Variants in TANGO6 observed in about 807,000 individuals in gnomAD.
TANGO6 encodes the protein transport and Golgi organization protein 6 homolog.
A neutral mutation model predicts 114.2 loss-of-function variants in TANGO6; 90 were observed. The ratio of observed to expected loss-of-function variants is 0.79; its 90% CI spans 0.66 to 0.94. The LOEUF is 0.94. Among genes scored for constraint, TANGO6 ranks in the 40% least tolerant of loss-of-function variants. TANGO6 has a pLI of 0.00. For missense variants in TANGO6, 1,274 were observed against 1,315.3 expected (o/e 0.97, Z 0.49); for synonymous variants, 477 against 509.8 (o/e 0.94, Z 0.87).
intron 2 of TANGO6, 73 bp from the exon 3 acceptor site, chr16:68,862,872 G>A (rs1323420037): frequency 1.0e-6 from 1 of 959,388 alleles, no homozygotes; most frequent in African/African-American, 1.6e-5. Flanking sequence ...TCTCTGTACA[G>A]TGTTGTAAAA....
chr16:68,883,305 C>A (rs1962490635), intron 7 of TANGO6, among the ~76,000 whole-genome samples: 1 of 152,258 alleles, frequency 6.6e-6, no homozygotes, highest in Non-Finnish European at 1.5e-5. Context: ...AGTTCAAGAC[C>A]AGCCTGGCCA....
chr16:68,921,741 A>G (rs1963097576), intron 12 of TANGO6, among the ~76,000 whole-genome samples: 2 of 150,938 alleles, frequency 1.3e-5, no homozygotes, highest in African/African-American at 4.9e-5. Context: ...CTGGCTGTGC[A>G]CATTAGTTGT....
At chr16:68,918,543 T>A (rs1963042832) in intron 11 of TANGO6, among the ~76,000 whole-genome samples, 1 of 152,230 alleles carries the variant, frequency 6.6e-6, no homozygotes, top group African/African-American at 2.4e-5. Flanking sequence ...TCATTTTGCT[T>A]TTTAATTTTC....
At chr16:69,079,381 A>T (rs1203334648) in intron 17 of TANGO6, among the ~76,000 whole-genome samples, 2 of 151,694 alleles carry the variant, frequency 1.3e-5, no homozygotes, top group Non-Finnish European at 2.9e-5. Context: ...AAGAAACCGC[A>T]TAGTATAATG....
At chr16:69,037,339 T>A (rs1017186488) in intron 16 of TANGO6, among the ~76,000 whole-genome samples, 1 of 151,974 alleles carries the variant, frequency 6.6e-6, no homozygotes, top group Admixed American at 6.6e-5. Context: ...GACACCAACA[T>A]GGTTCTAGGC....
Position 68,943,669 on chromosome 16 carries a change from TA to T in TANGO6, c.2701+13375del, listed in dbSNP as rs1052946089. On this transcript the variant is annotated intron_variant, in intron 14 of 17. Coordinates refer to ENST00000261778, the MANE Select transcript of TANGO6 (RefSeq NM_024562.2). Reference sequence around the variant, plus strand: ...CGTGAGCCACCGCACCCGGCCAAGATATTTTTTTTTTAACAGTGTCTGTAAA... The same window carrying T: ...CGTGAGCCACCGCACCCGGCCAAGATTTTTTTTTTTAACAGTGTCTGTAAA... Among the ~76,000 whole-genome samples the T allele has an allele frequency of 3.9e-5, 6 of 152,152 alleles. No individual in the cohort carries two copies. The East Asian group carries it at 1.2e-3, about 29-fold the overall frequency.
intron 1 of TANGO6, chr16:68,846,716 A>G: frequency 6.2e-6 from 1 of 162,552 alleles, no homozygotes; most frequent in South Asian, 1.2e-4. Flanking sequence ...CATATTGGCC[A>G]GGCTGGTCTG....
chr16:68,859,745 C>T, intron 1 of TANGO6, 139 bp from the exon 2 acceptor site: 4 of 941,968 alleles, frequency 4.2e-6, no homozygotes, highest in Non-Finnish European at 6.1e-6. Flanking sequence ...GGGTTGGTAC[C>T]CCTGGGGGAG....
chr16:68,921,607 C>CTTTTT (rs1167059062), intron 12 of TANGO6, among the ~76,000 whole-genome samples: 5 of 57,912 alleles, frequency 8.6e-5, no homozygotes, highest in Admixed American at 1.7e-4. Context: ...TGAGAGTGTG[C>CTTTTT]TTTTTTTTTT....
At chr16:68,974,191 C>A in intron 15 of TANGO6, 23 bp downstream of exon 15, 1 of 1,613,674 alleles carries the variant, frequency 6.2e-7, no homozygotes, top group Admixed American at 1.7e-5. Context: ...GTTCCATCCA[C>A]CTGGAAAAGG....
intron 15 of TANGO6, among the ~76,000 whole-genome samples, chr16:69,003,772 C>A (rs980626854): frequency 6.6e-6 from 1 of 152,086 alleles, no homozygotes; most frequent in African/African-American, 2.4e-5. Flanking sequence ...CCTATACTTT[C>A]TTCTTTCCTA....
chr16:68,879,447 A>T (rs747090879), intron 6 of TANGO6, among the ~76,000 whole-genome samples: 9 of 152,080 alleles, frequency 5.9e-5, no homozygotes, highest in South Asian at 2.1e-4. Context: ...ACACAGTTCC[A>T]CTCCAGAGCC....
chr16:69,083,659 T>C lies in TANGO6; in HGVS notation c.3283T>C (p.Ter1095GlnextTer66). The C allele has an allele frequency of 6.4e-7, 1 of 1,556,210 alleles. No homozygotes were observed. Among genetic ancestry groups the C allele is most frequent in the Non-Finnish European group, 8.7e-7 (1 of 1,149,472 alleles). The change falls in exon 18 of 18, where the codon TAG (stop) becomes CAG (glutamine). Residue 1095 changes from the stop codon to glutamine, a stop_lost. Coordinates refer to ENST00000261778, the MANE Select transcript of TANGO6 (RefSeq NM_024562.2). ...GGAGAAGAAGATCATGGTCCTGCCG[T>C]AGACCTGGCTCCAAGGACGTGGAGG... Reference protein sequence around the residue: ...KLEKKIMVLP* With the variant: ...KLEKKIMVLPQ
At chr16:69,040,464 A>G in intron 17 of TANGO6, 43 bp downstream of exon 17, 1 of 1,477,694 alleles carries the variant, frequency 6.8e-7, no homozygotes, top group East Asian at 2.4e-5. Context: ...CACCTCTTTT[A>G]TTTGTCTATT....
At chr16:69,074,838 G>GTGTGTA (rs1221919635) in intron 17 of TANGO6, among the ~76,000 whole-genome samples, 3 of 140,112 alleles carry the variant, frequency 2.1e-5, no homozygotes, top group Non-Finnish European at 4.7e-5. Context: ...GTGTGTGTGT[G>GTGTGTA]TATAATTATT....
Position 69,022,928 on chromosome 16 carries a change from T to G in TANGO6, c.2943T>G (p.Leu981=). The G allele has an allele frequency of 6.2e-7, 1 of 1,605,220 alleles. No individual in the cohort carries two copies. The highest frequency in any genetic ancestry group is 8.5e-7 in the Non-Finnish European group (1 of 1,176,066). The stretch of plus-strand genomic sequence containing the variant: ...ACAGGGCCAGCAGCTTGGCCAACCT[T>G]GGGGAGCTGTGCCAGAGGCTGGACT... ...GAHRASSLAN[L]GELCQRLDFL... is the part of the protein sequence containing the mutation. Residue 981 remains leucine (L), a synonymous_variant, in exon 16 of 18, where the codon CTT becomes CTG. Transcript: ENST00000261778.
chr16:68,896,353 T>A (rs544427988), intron 7 of TANGO6, among the ~76,000 whole-genome samples: 1 of 151,902 alleles, frequency 6.6e-6, no homozygotes, highest in East Asian at 1.9e-4. Flanking sequence ...AGACGGAATC[T>A]TGTTCTGTTG....
intron 17 of TANGO6, among the ~76,000 whole-genome samples, chr16:69,064,500 A>G (rs1427135552): frequency 6.6e-6 from 1 of 152,126 alleles, no homozygotes; most frequent in Non-Finnish European, 1.5e-5. Context: ...GCTGCTCCCT[A>G]TCTTCTCTCA....
At chr16:69,021,995 C>T (rs149663243) in intron 15 of TANGO6, among the ~76,000 whole-genome samples, 107 of 151,494 alleles carry the variant, frequency 7.1e-4, no homozygotes, top group Non-Finnish European at 1.3e-3. Context: ...AGGCCATTCT[C>T]CTACCTCAGC....
Sources: gnomAD v4.1 joint callset for allele counts (sites outside exome capture counted in the v4.1 genomes callset) on GRCh38, gnomAD v4.1.1 for gene constraint, MANE v1.5 for transcripts, NCBI Gene and HGNC (gene_info 2026-07-23, HGNC 2026-07-21) for gene names.